The following ABCB1 variants were observed in gnomAD, a reference collection of about 807,000 sequenced individuals.
ABCB1 encodes the protein ATP-dependent translocase ABCB1.
Under a neutral mutation model 142.0 loss-of-function variants are expected in ABCB1, and 69 were observed. The observed-to-expected ratio is 0.49, with a 90% CI of 0.40 to 0.59. The LOEUF (loss-of-function observed/expected upper bound fraction) is 0.59. Among genes scored for constraint, ABCB1 ranks in the 20% least tolerant of loss-of-function variants. The pLI is 0.00. For synonymous variants in ABCB1, 532 were observed against 539.2 expected, an observed-to-expected ratio of 0.99 and a Z score of 0.18; for missense variants, 1,326 against 1,554.7, an observed-to-expected ratio of 0.85 and a Z score of 2.47.
rs756278870 is a variant in ABCB1, at chr7:87,628,902, C to G, written c.-330-27824G>C. On this transcript the variant is annotated intron_variant, in intron 1 of 28. Coordinates refer to the ABCB1 transcript ENST00000265724. ...AGGCGGCAAGAAAAGCCTGAGCGCC[C>G]GCAATGCTGCGGTGGAGAGGAGGAA... 19 of 1,306,738 alleles carry G rather than the reference C, an allele frequency of 1.5e-5. No homozygotes were observed. Among genetic ancestry groups the G allele is most frequent in the Non-Finnish European group, 1.8e-5 (18 of 1,019,824 alleles). The allele number at this position is 1,306,738 out of a possible 1,614,324, so 80.9% of individuals were successfully genotyped here.
intron 1 of ABCB1, among the ~76,000 whole-genome samples, chr7:87,683,656 T>C (rs1317536230): frequency 1.3e-5 from 2 of 152,142 alleles, no homozygotes; most frequent in African/African-American, 4.8e-5. Flanking sequence ...CCCAAAATTA[T>C]TACAATAGTA....
intron 1 of ABCB1, among the ~76,000 whole-genome samples, chr7:87,641,049 T>C (rs1317147132): frequency 6.6e-6 from 1 of 152,222 alleles, no homozygotes; most frequent in Non-Finnish European, 1.5e-5. Flanking sequence ...CTCTTACTCC[T>C]TTCTTTGTCA....
chr7:87,535,819 A>AT (rs1816262716), intron 20 of ABCB1, among the ~76,000 whole-genome samples: 2 of 152,164 alleles, frequency 1.3e-5, no homozygotes, highest in Non-Finnish European at 2.9e-5. Context: ...GATTACATGA[A>AT]TTTTTTCAAA....
At chr7:87,701,204 T>G (rs1829005965) in intron 1 of ABCB1, among the ~76,000 whole-genome samples, 1 of 152,214 alleles carries the variant, frequency 6.6e-6, no homozygotes, top group Non-Finnish European at 1.5e-5. Context: ...ATGATTTTAC[T>G]GAAAAGAAAA....
chr7:87,529,890 T>C (rs746382601), intron 21 of ABCB1, among the ~76,000 whole-genome samples: 21 of 152,208 alleles, frequency 1.4e-4, no homozygotes, highest in Non-Finnish European at 2.1e-4. Flanking sequence ...AATAGAACCC[T>C]GTGGGTCAGC....
intron 7 of ABCB1, among the ~76,000 whole-genome samples, chr7:87,562,075 G>A (rs1817581883): frequency 6.6e-6 from 1 of 151,938 alleles, no homozygotes; most frequent in Admixed American, 6.6e-5. Context: ...AAAATTCATA[G>A]GCACTTGTGG....
At chr7:87,644,885 AT>A in intron 1 of ABCB1, among the ~76,000 whole-genome samples, 1 of 152,082 alleles carries the variant, frequency 6.6e-6, no homozygotes, top group East Asian at 1.9e-4. Context: ...CACATTTAAA[AT>A]TTTTAAGTTA....
At chr7:87,510,241 G>T (rs1276763862) in intron 25 of ABCB1, among the ~76,000 whole-genome samples, 2 of 152,222 alleles carry the variant, frequency 1.3e-5, no homozygotes, top group Non-Finnish European at 2.9e-5. Flanking sequence ...GAGAAACAGT[G>T]CCCAGGATTA....
chr7:87,569,833 A>T (rs1265261253), intron 5 of ABCB1, among the ~76,000 whole-genome samples: 2 of 152,134 alleles, frequency 1.3e-5, no homozygotes, highest in African/African-American at 4.8e-5. Context: ...GACTGTAGCT[A>T]TGTGCCACCA....
chr7:87,553,247 A>C (rs148944643), intron 9 of ABCB1, among the ~76,000 whole-genome samples: 4,804 of 152,160 alleles, frequency 0.032, 80 homozygotes, highest in Non-Finnish European at 0.038. Context: ...AAATTGTGCA[A>C]GATATCTGCA....
intron 4 of ABCB1, among the ~76,000 whole-genome samples, chr7:87,577,384 C>A (rs935636545): frequency 2.6e-5 from 4 of 152,134 alleles, no homozygotes; most frequent in Admixed American, 2.6e-4. Context: ...CATGGGAGTG[C>A]AGGTTCGATA....
intron 27 of ABCB1, among the ~76,000 whole-genome samples, chr7:87,504,732 G>C (rs936651442): frequency 6.6e-6 from 1 of 151,500 alleles, no homozygotes; most frequent in Non-Finnish European, 1.5e-5. Flanking sequence ...GTGAACCCGG[G>C]AGGCAGAGCT....
At chr7:87,601,884 A>G (rs547573608), upstream of ABCB1, among the ~76,000 whole-genome samples, 14 of 152,374 alleles carry the variant, frequency 9.2e-5, no homozygotes, top group African/African-American at 3.1e-4. Flanking sequence ...TTCTTTAAAT[A>G]ACTCATACTT....
At chr7:87,606,088 T>C (rs531716868) in intron 1 of ABCB1, among the ~76,000 whole-genome samples, 40 of 152,044 alleles carry the variant, frequency 2.6e-4, no homozygotes, top group Non-Finnish European at 5.0e-4. Flanking sequence ...CACAATAGGT[T>C]AATATTCTTA....
intron 1 of ABCB1, among the ~76,000 whole-genome samples, chr7:87,698,757 C>T (rs1828738197): frequency 6.6e-6 from 1 of 152,066 alleles, no homozygotes; most frequent in African/African-American, 2.4e-5. Context: ...ATCTTACCGC[C>T]TAATATGTGA....
chr7:87,671,877 C>T (rs984953421), intron 1 of ABCB1, among the ~76,000 whole-genome samples: 1 of 152,300 alleles, frequency 6.6e-6, no homozygotes, highest in Middle Eastern at 3.4e-3. Flanking sequence ...GGAGCACTGT[C>T]CTGGGAGAAT....
At position 87,566,991 on chromosome 7, in the gene ABCB1, G is replaced by A. The variant is rs1817812112; in HGVS notation, c.339-15C>T. ...AATAGGCATACCTGAAAAACAACAA[G>A]AACACTGCACATGCTCTCTGTTTCC... On this transcript the variant is annotated splice_polypyrimidine_tract_variant and intron_variant, in intron 5 of 27. Transcript: ENST00000622132. 4 of 1,611,714 alleles carry A rather than the reference G, an allele frequency of 2.5e-6. No individual in the cohort carries two copies. In the Admixed American group the frequency reaches 6.7e-5, roughly 27 times the overall value.
chr7:87,711,330 A>T (rs1830063934), intron 1 of ABCB1, among the ~76,000 whole-genome samples: 1 of 151,848 alleles, frequency 6.6e-6, no homozygotes, highest in African/African-American at 2.4e-5. Flanking sequence ...CTGTCTCAAA[A>T]AATATATATA....
chr7:87,578,415 T>A (rs1311856161), intron 4 of ABCB1, among the ~76,000 whole-genome samples: 2 of 152,194 alleles, frequency 1.3e-5, no homozygotes. Context: ...CGTGGTTCCA[T>A]GTAAATGTTA....
Sources: allele counts gnomAD v4.1 joint callset (sites outside exome capture counted in the v4.1 genomes callset), GRCh38; gene constraint gnomAD v4.1.1; transcripts MANE v1.5; gene names NCBI Gene and HGNC (gene_info 2026-07-23, HGNC 2026-07-21).